The following GABRG3 variants were observed in gnomAD, a reference collection of about 807,000 sequenced individuals.
GABRG3 encodes gamma-aminobutyric acid type A receptor subunit gamma3, also known as gamma-aminobutyric acid receptor subunit gamma-3.
Under a neutral mutation model 48.8 loss-of-function variants are expected in GABRG3, and 25 were observed. That is an observed-to-expected ratio of 0.51 (90% CI 0.37 to 0.72). GABRG3 has a LOEUF of 0.72. Ranked by LOEUF, GABRG3 falls within the 30% of genes least tolerant of loss-of-function variation. The probability of loss-of-function intolerance (pLI) is 0.00; values close to 1 mark genes in which losing one functional copy is unlikely to be tolerated. For synonymous variants in GABRG3, 227 were observed against 217.6 expected (o/e 1.04, Z -0.38); for missense variants, 394 against 577.9 (o/e 0.68, Z 3.26).
chr15:27,040,356 A>G, intron 3 of GABRG3, among the ~76,000 whole-genome samples: 1 of 152,192 alleles, frequency 6.6e-6, no homozygotes, highest in East Asian at 1.9e-4. Flanking sequence ...TGTGCTTCCC[A>G]TAGGGCATAG....
At chr15:27,486,353 C>T (rs1890219490) in intron 6 of GABRG3, among the ~76,000 whole-genome samples, 1 of 152,144 alleles carries the variant, frequency 6.6e-6, no homozygotes, top group African/African-American at 2.4e-5. Context: ...AAAGGCTGCT[C>T]TCGCATGGCT....
chr15:27,066,712 G>T (rs1317940604), intron 3 of GABRG3, among the ~76,000 whole-genome samples: 2 of 152,014 alleles, frequency 1.3e-5, no homozygotes, highest in African/African-American at 2.4e-5. Flanking sequence ...TCATATGTGG[G>T]TCACTTTTCC....
At chr15:27,011,558 C>T (rs1004506598) in intron 2 of GABRG3, among the ~76,000 whole-genome samples, 1 of 152,176 alleles carries the variant, frequency 6.6e-6, no homozygotes, top group Admixed American at 6.5e-5. Context: ...CTTAGATCTA[C>T]AATTCTAGGC....
At chr15:27,126,045 C>G (rs935186165) in intron 3 of GABRG3, among the ~76,000 whole-genome samples, 3 of 152,180 alleles carry the variant, frequency 2.0e-5, no homozygotes, top group African/African-American at 4.8e-5. Flanking sequence ...CAGATCACAG[C>G]GCAATTAAAT....
chr15:27,362,673 A>T (rs1478179699), intron 5 of GABRG3: 1 of 152,172 alleles, frequency 6.6e-6, no homozygotes, highest in East Asian at 1.9e-4. Context: ...GGATTTTTTC[A>T]CCAGGAACAC....
chr15:27,102,816 G>A (rs983884531), intron 3 of GABRG3, among the ~76,000 whole-genome samples: 3 of 152,032 alleles, frequency 2.0e-5, no homozygotes, highest in African/African-American at 4.8e-5. Context: ...ACCGACATAA[G>A]TATATAATTT....
At chr15:27,006,730 C>T (rs1895591917) in intron 2 of GABRG3, among the ~76,000 whole-genome samples, 1 of 152,156 alleles carries the variant, frequency 6.6e-6, no homozygotes, top group South Asian at 2.1e-4. Flanking sequence ...TGTTTGGCTC[C>T]TCACTTGTAA....
chr15:27,383,028 A>T (rs922280231), intron 5 of GABRG3, among the ~76,000 whole-genome samples: 8 of 152,164 alleles, frequency 5.3e-5, no homozygotes, highest in Non-Finnish European at 1.2e-4. Flanking sequence ...ACTGGATGAA[A>T]TCACCTAGGT....
intron 5 of GABRG3, among the ~76,000 whole-genome samples, chr15:27,422,953 A>G (rs570477308): frequency 2.0e-5 from 3 of 152,270 alleles, no homozygotes; most frequent in Admixed American, 2.0e-4. Flanking sequence ...CTGGCTTCTG[A>G]GACCACCCCT....
chr15:27,405,931 A>G (rs1887621280), intron 5 of GABRG3, among the ~76,000 whole-genome samples: 1 of 152,158 alleles, frequency 6.6e-6, no homozygotes, highest in Non-Finnish European at 1.5e-5. Context: ...GAAAATGTTA[A>G]AAGACACAAA....
chr15:27,369,622 C>T (rs1213952390), intron 5 of GABRG3, among the ~76,000 whole-genome samples: 6 of 151,850 alleles, frequency 4.0e-5, no homozygotes, highest in Admixed American at 2.6e-4. Flanking sequence ...TCGAGACCAT[C>T]CTGGCTGACA....
At chr15:27,208,411 G>T in intron 3 of GABRG3, 1 of 217,240 alleles carries the variant, frequency 4.6e-6, no homozygotes, top group Non-Finnish European at 1.0e-5. Flanking sequence ...CCTTGGAGAA[G>T]TTGGCATTGT....
intron 3 of GABRG3, among the ~76,000 whole-genome samples, chr15:27,145,606 T>TATCTATCTATCTATCTATC (rs1555405988): frequency 0.04 from 4,737 of 118,166 alleles, 148 homozygotes; most frequent in African/African-American, 0.047. Context: ...TATCTATCTC[T>TATCTATCTATCTATCTATC]ATCTATCTAT....
chr15:27,317,665 TG>T (rs1566782129), intron 3 of GABRG3, among the ~76,000 whole-genome samples: 1 of 152,202 alleles, frequency 6.6e-6, no homozygotes, highest in African/African-American at 2.4e-5. Context: ...TGATTTAACT[TG>T]GGATGGTCAC....
At position 27,311,393 on chromosome 15, in the gene GABRG3, C is replaced by T. The variant is rs377279390; in HGVS notation, c.271-15416C>T. Among the ~76,000 whole-genome samples the T allele has an allele frequency of 1.1e-4, 16 of 152,242 alleles. No individual in the cohort carries two copies. In the East Asian group the frequency reaches 3.1e-3, roughly 29 times the overall value. On this transcript the variant is annotated intron_variant, in intron 3 of 9. Coordinates refer to ENST00000615808, the MANE Select transcript of GABRG3 (RefSeq NM_033223.5). ...AAGATGGACTATGCATCCAGAACCCCACTTTGCTGGGAGATACCTGGAGGA... is the reference window on the plus strand; with the variant it reads ...AAGATGGACTATGCATCCAGAACCCTACTTTGCTGGGAGATACCTGGAGGA...
intron 9 of GABRG3, among the ~76,000 whole-genome samples, chr15:27,529,539 C>A (rs1891367037): frequency 6.6e-6 from 1 of 152,176 alleles, no homozygotes. Flanking sequence ...ATCGGGACCT[C>A]ATATGCAGCG....
At chr15:27,317,276 G>A (rs191280204) in intron 3 of GABRG3, among the ~76,000 whole-genome samples, 5 of 152,238 alleles carry the variant, frequency 3.3e-5, no homozygotes, top group Non-Finnish European at 5.9e-5. Context: ...GACTTGCAGC[G>A]AGCTGACACT....
At chr15:27,161,064 C>G (rs559170577) in intron 3 of GABRG3, 1 of 152,250 alleles carries the variant, frequency 6.6e-6, no homozygotes, top group South Asian at 2.1e-4. Flanking sequence ...TTCTCTGAGT[C>G]AGCCTCCAAT....
intron 3 of GABRG3, among the ~76,000 whole-genome samples, chr15:27,245,516 G>A (rs911912732): frequency 6.6e-6 from 1 of 152,186 alleles, no homozygotes; most frequent in Non-Finnish European, 1.5e-5. Flanking sequence ...GCCAAAATAT[G>A]TGTTGGATAT....
Sources: allele counts gnomAD v4.1 joint callset (sites outside exome capture counted in the v4.1 genomes callset), GRCh38; gene constraint gnomAD v4.1.1; transcripts MANE v1.5; gene names NCBI Gene and HGNC (gene_info 2026-07-23, HGNC 2026-07-21).